Variants in STPG2 observed in about 807,000 individuals in gnomAD.
The protein encoded by STPG2 is sperm-tail PG-rich repeat-containing protein 2.
A neutral mutation model predicts 54.2 loss-of-function variants in STPG2; 56 were observed. That is an observed-to-expected ratio of 1.03 (90% CI 0.83 to 1.29). STPG2 has a LOEUF of 1.29. STPG2 is among the 50% of genes most tolerant of loss of function. STPG2 has a pLI of 0.00. For missense variants in STPG2, 596 were observed against 544.9 expected (o/e 1.09, Z -0.93); for synonymous variants, 200 against 181.8 (o/e 1.10, Z -0.81).
intron 9 of STPG2, among the ~76,000 whole-genome samples, chr4:97,816,577 T>C (rs1578589803): frequency 6.6e-6 from 1 of 152,056 alleles, no homozygotes; most frequent in Admixed American, 6.6e-5. Flanking sequence ...TCTGAAGAGA[T>C]TAGTATTTGA....
At chr4:97,464,705 C>T (rs1313273741) in intron 4 of STPG2, among the ~76,000 whole-genome samples, 1 of 152,138 alleles carries the variant, frequency 6.6e-6, no homozygotes, top group East Asian at 1.9e-4. Context: ...TTTACCCTGT[C>T]ACTGGTACTT....
intron 5 of STPG2, among the ~76,000 whole-genome samples, chr4:98,064,971 C>G (rs1323988625): frequency 6.6e-6 from 1 of 152,168 alleles, no homozygotes; most frequent in Non-Finnish European, 1.5e-5. Flanking sequence ...GCAAACATAG[C>G]TCATTGCAGC....
At chr4:98,006,404 A>G (rs1393568535) in intron 5 of STPG2, among the ~76,000 whole-genome samples, 7 of 152,152 alleles carry the variant, frequency 4.6e-5, no homozygotes, top group African/African-American at 1.7e-4. Context: ...GCTGTGAGAG[A>G]CTGTGAGAAG....
chr4:97,634,766 GA>G (rs1178985409), intron 10 of STPG2, among the ~76,000 whole-genome samples: 1 of 152,022 alleles, frequency 6.6e-6, no homozygotes, highest in Admixed American at 6.6e-5. Context: ...TGAATGAAAT[GA>G]AGTGAGAAGG....
intron 10 of STPG2, among the ~76,000 whole-genome samples, chr4:97,571,974 A>G (rs1214666192): frequency 1.3e-5 from 2 of 152,148 alleles, no homozygotes; most frequent in African/African-American, 2.4e-5. Context: ...TAACTCCTGG[A>G]CTTCACCATT....
At chr4:97,443,545 T>C (rs991867460) in intron 4 of STPG2, among the ~76,000 whole-genome samples, 1 of 152,100 alleles carries the variant, frequency 6.6e-6, no homozygotes, top group Non-Finnish European at 1.5e-5. Context: ...GGGACTCTAG[T>C]TAATATCTCT....
chr4:98,054,524 G>A (rs1227969378), intron 5 of STPG2, among the ~76,000 whole-genome samples: 1 of 151,790 alleles, frequency 6.6e-6, no homozygotes, highest in East Asian at 1.9e-4. Flanking sequence ...AAAATTCTTT[G>A]GTAAATCATC....
chr4:97,468,707 G>A (rs1729851138), intron 4 of STPG2, among the ~76,000 whole-genome samples: 1 of 151,940 alleles, frequency 6.6e-6, no homozygotes, highest in African/African-American at 2.4e-5. Flanking sequence ...AAACACTATA[G>A]AACAGCAAAT....
chr4:97,502,683 C>A (rs1268386752), intron 4 of STPG2, among the ~76,000 whole-genome samples: 1 of 150,218 alleles, frequency 6.7e-6, no homozygotes, highest in Admixed American at 6.6e-5. Flanking sequence ...TAGAGCAATC[C>A]ATCTAGAAAA....
At chr4:97,531,651 A>C (rs2148853663) in intron 4 of STPG2, among the ~76,000 whole-genome samples, 1 of 152,322 alleles carries the variant, frequency 6.6e-6, no homozygotes, top group Non-Finnish European at 1.5e-5. Flanking sequence ...TGTGGGAGCT[A>C]AAAATTAAAT....
At chr4:97,915,860 G>C (rs1212059086) in intron 8 of STPG2, among the ~76,000 whole-genome samples, 7 of 152,262 alleles carry the variant, frequency 4.6e-5, no homozygotes, top group Non-Finnish European at 2.9e-5. Context: ...TCAGAGCTAT[G>C]CTTCGGGAAG....
At chr4:97,662,513 T>C (rs1182378481) in intron 10 of STPG2, among the ~76,000 whole-genome samples, 1 of 152,156 alleles carries the variant, frequency 6.6e-6, no homozygotes, top group Non-Finnish European at 1.5e-5. Context: ...ATTATTGGTA[T>C]ACACCCAAAG....
chr4:97,918,743 C>A (rs1185011184), intron 8 of STPG2, among the ~76,000 whole-genome samples: 1 of 151,906 alleles, frequency 6.6e-6, no homozygotes, highest in East Asian at 1.9e-4. Context: ...TATGTTCTCA[C>A]TTATAAGTAG....
At chr4:97,531,396 A>C (rs1051761415) in intron 4 of STPG2, among the ~76,000 whole-genome samples, 1 of 152,230 alleles carries the variant, frequency 6.6e-6, no homozygotes, top group African/African-American at 2.4e-5. Flanking sequence ...CTGAAGAGAT[A>C]TATCTGCTTT....
At chr4:97,712,969 T>C (rs1046870309) in intron 9 of STPG2, among the ~76,000 whole-genome samples, 155 bp from the exon 10 acceptor site, 7 of 152,212 alleles carry the variant, frequency 4.6e-5, no homozygotes, top group African/African-American at 1.7e-4. Context: ...ATTTGGTTTA[T>C]GTCTTTGAAA....
At chr4:97,577,248 C>T (rs560707095) in intron 10 of STPG2, among the ~76,000 whole-genome samples, 7 of 152,072 alleles carry the variant, frequency 4.6e-5, no homozygotes, top group African/African-American at 1.7e-4. Context: ...GGGTATACAG[C>T]CAAAGGAAAA....
At position 97,712,717 on chromosome 4, in the gene STPG2, T is replaced by C; in HGVS notation, c.1302A>G (p.Pro434=). Residue 434 remains proline (P), a synonymous_variant, in exon 10 of 11, where the codon CCA becomes CCG. Transcript: ENST00000295268. Reference sequence around the variant, plus strand: ...GACAAACCTCATATGTTGCTGGGCCTGGAGTAATCTCTTTGGACTCTTCAA... The same window carrying C: ...GACAAACCTCATATGTTGCTGGGCCCGGAGTAATCTCTTTGGACTCTTCAA... The part of the protein sequence containing the change: ...KRFEESKEIT[P]GPATYEISQE... The C allele has an allele frequency of 6.3e-7, 1 of 1,594,138 alleles. No homozygotes were observed. Among genetic ancestry groups the C allele is most frequent in the Non-Finnish European group, 8.6e-7 (1 of 1,169,274 alleles).
intron 5 of STPG2, among the ~76,000 whole-genome samples, chr4:98,024,029 G>A (rs1736331152): frequency 2.0e-5 from 3 of 151,902 alleles, no homozygotes; most frequent in Non-Finnish European, 2.9e-5. Context: ...ACAGTTCGCT[G>A]CACCCACTGT....
At chr4:97,875,980 T>C (rs1197885673) in intron 8 of STPG2, among the ~76,000 whole-genome samples, 1 of 151,512 alleles carries the variant, frequency 6.6e-6, no homozygotes, top group East Asian at 1.9e-4. Flanking sequence ...ATATGCAAAA[T>C]AAAGGGAAAA....
Sources: gnomAD v4.1 joint callset for allele counts (sites outside exome capture counted in the v4.1 genomes callset) on GRCh38, gnomAD v4.1.1 for gene constraint, MANE v1.5 for transcripts, NCBI Gene and HGNC (gene_info 2026-07-23, HGNC 2026-07-21) for gene names.